The following KCNIP4 variants were observed in gnomAD, a reference collection of about 807,000 sequenced individuals.
KCNIP4 encodes the protein Kv channel-interacting protein 4.
Under a neutral mutation model 34.0 loss-of-function variants are expected in KCNIP4, and 12 were observed. The ratio of observed to expected loss-of-function variants is 0.35; its 90% confidence interval spans 0.23 to 0.57. The LOEUF is 0.57. Among genes scored for constraint, KCNIP4 ranks in the 20% least tolerant of loss-of-function variants. The pLI, the probability that KCNIP4 is intolerant of heterozygous loss-of-function variation, is 0.83. For synonymous variants in KCNIP4, 124 were observed against 102.2 expected (o/e 1.21, Z -1.29); for missense variants, 238 against 311.7 (o/e 0.76, Z 1.78).
chr4:21,665,314 CT>C (rs1425265391), intron 1 of KCNIP4, among the ~76,000 whole-genome samples: 1 of 152,082 alleles, frequency 6.6e-6, no homozygotes, highest in Non-Finnish European at 1.5e-5. Context: ...ACCTTTCTTT[CT>C]CTTTAACATT....
At chr4:21,743,225 A>T (rs1161292242) in intron 1 of KCNIP4, among the ~76,000 whole-genome samples, 1 of 152,146 alleles carries the variant, frequency 6.6e-6, no homozygotes. Context: ...GATAAAATCA[A>T]GGTGTTGGCA....
At chr4:21,602,802 T>A (rs1348844792) in intron 1 of KCNIP4, among the ~76,000 whole-genome samples, 4 of 152,102 alleles carry the variant, frequency 2.6e-5, no homozygotes, top group Non-Finnish European at 5.9e-5. Flanking sequence ...ATGAAGCAAT[T>A]CAAATATAAT....
intron 1 of KCNIP4, among the ~76,000 whole-genome samples, chr4:21,763,750 T>G (rs1254090425): frequency 6.6e-6 from 1 of 152,198 alleles, no homozygotes; most frequent in East Asian, 1.9e-4. Flanking sequence ...CTGTATATGC[T>G]AAATTTTTCA....
chr4:21,701,713 T>A (rs1444411984), intron 1 of KCNIP4, among the ~76,000 whole-genome samples: 1 of 152,100 alleles, frequency 6.6e-6, no homozygotes. Flanking sequence ...TGTTGTTGTT[T>A]TGTTTTTTTG....
chr4:20,740,936 A>G (rs530963309), intron 5 of KCNIP4, among the ~76,000 whole-genome samples: 3 of 152,288 alleles, frequency 2.0e-5, no homozygotes, highest in Non-Finnish European at 4.4e-5. Flanking sequence ...TCTCTGATAA[A>G]ACAGACATTA....
At position 20,917,432 on chromosome 4, in the gene KCNIP4, C is replaced by T. The variant is rs117514201; in HGVS notation, c.62-34723G>A. ...TGTTTTATGAAATGTCTGTCAAGCACCTCCATGCTAAACTGCTTCACCCTA... is the reference window on the plus strand; with the variant it reads ...TGTTTTATGAAATGTCTGTCAAGCATCTCCATGCTAAACTGCTTCACCCTA... On this transcript the variant is annotated intron_variant, in intron 1 of 8. Transcript: ENST00000382152. Among the ~76,000 whole-genome samples, 1,249 of 152,114 alleles carry T rather than the reference C, an allele frequency of 8.2e-3. 60 individuals carry two copies. In the East Asian group the frequency reaches 0.13, roughly 16 times the overall value.
chr4:21,611,376 T>A (rs763916058), intron 1 of KCNIP4, among the ~76,000 whole-genome samples: 4 of 152,102 alleles, frequency 2.6e-5, no homozygotes, highest in African/African-American at 9.7e-5. Flanking sequence ...TCAGATCTTA[T>A]GAGAACTCAC....
At chr4:21,659,911 A>G (rs932297830) in intron 1 of KCNIP4, among the ~76,000 whole-genome samples, 3 of 152,196 alleles carry the variant, frequency 2.0e-5, no homozygotes, top group Non-Finnish European at 4.4e-5. Flanking sequence ...AGCTAAAAGC[A>G]CCAACAAGAG....
At chr4:20,765,355 ATTTGTACCC>A (rs1209357182) in intron 3 of KCNIP4, among the ~76,000 whole-genome samples, 1 of 152,118 alleles carries the variant, frequency 6.6e-6, no homozygotes, top group African/African-American at 2.4e-5. Context: ...TACACGGTGT[ATTTGTACCC>A]AGAGGCACCC....
chr4:20,941,981 A>G (rs1400351883), intron 1 of KCNIP4, among the ~76,000 whole-genome samples: 2 of 152,238 alleles, frequency 1.3e-5, no homozygotes, highest in Non-Finnish European at 2.9e-5. Context: ...CACTGAGGAA[A>G]TAACAGTGAA....
chr4:20,784,222 T>C lies in KCNIP4; in HGVS notation c.289-25332A>G, dbSNP rs560091040. Among the ~76,000 whole-genome samples the C allele has an allele frequency of 6.6e-5, 10 of 152,340 alleles. No homozygotes were observed. The East Asian group carries it at 1.7e-3, about 26-fold the overall frequency. On this transcript the variant is annotated intron_variant, in intron 3 of 8. Transcript: ENST00000382152. ...GATAATTAATCCCAGAACATTAGTT[T>C]GCTTGAATTGAAAAGGCACATCACG...
chr4:21,628,395 G>C (rs1745479219), intron 1 of KCNIP4, among the ~76,000 whole-genome samples: 1 of 152,084 alleles, frequency 6.6e-6, no homozygotes, highest in South Asian at 2.1e-4. Flanking sequence ...CAGAAGCAAG[G>C]CCGGCTGTTA....
chr4:21,206,882 C>T (rs137885238), intron 1 of KCNIP4, among the ~76,000 whole-genome samples: 2 of 152,290 alleles, frequency 1.3e-5, no homozygotes, highest in East Asian at 1.9e-4. Flanking sequence ...ATTTGGAAAT[C>T]CATGCTCTTC....
At chr4:21,189,294 C>T (rs1174600519) in intron 1 of KCNIP4, among the ~76,000 whole-genome samples, 1 of 152,188 alleles carries the variant, frequency 6.6e-6, no homozygotes, top group Non-Finnish European at 1.5e-5. Context: ...AGTTTCCCAT[C>T]TGCTTCACAG....
At chr4:21,078,489 T>C (rs1252140459) in intron 1 of KCNIP4, among the ~76,000 whole-genome samples, 2 of 151,994 alleles carry the variant, frequency 1.3e-5, no homozygotes, top group African/African-American at 4.8e-5. Context: ...AGATCATCTC[T>C]CTTGTGCCTC....
intron 1 of KCNIP4, among the ~76,000 whole-genome samples, chr4:21,792,778 C>A (rs1720382362): frequency 6.6e-6 from 1 of 152,204 alleles, no homozygotes; most frequent in African/African-American, 2.4e-5. Flanking sequence ...GGAGGAGAAT[C>A]TCTGATTGTG....
intron 1 of KCNIP4, among the ~76,000 whole-genome samples, chr4:21,082,639 G>GA (rs968137398): frequency 3.9e-4 from 57 of 147,962 alleles, no homozygotes; most frequent in African/African-American, 8.7e-4. Context: ...GTCTTACAGG[G>GA]AAAAAAAAAA....
At chr4:20,864,071 C>CGTAT (rs199574283) in intron 2 of KCNIP4, among the ~76,000 whole-genome samples, 4 of 147,156 alleles carry the variant, frequency 2.7e-5, no homozygotes, top group Admixed American at 2.0e-4. Context: ...TGTATGTATA[C>CGTAT]GTATGTATGT....
rs12499754 is a variant in KCNIP4 at position 20,987,260 on chromosome 4, A to T, written c.62-104551T>A. 2.4e-3 allele frequency among the ~76,000 whole-genome samples: 364 copies of T among 152,334 alleles called. 2 individuals carry two copies. Among genetic ancestry groups the T allele is most frequent in the Admixed American group, 3.5e-3 (53 of 15,292 alleles). On this transcript the variant is annotated intron_variant, in intron 1 of 8. Coordinates refer to ENST00000382152, the MANE Select transcript of KCNIP4 (RefSeq NM_025221.6). ...TTTAAAAATTTAAAAAAGTAACTCCAGATCACGGCTCAACCATTTTACTGC... is the reference window on the plus strand; with the variant it reads ...TTTAAAAATTTAAAAAAGTAACTCCTGATCACGGCTCAACCATTTTACTGC...
Sources: gnomAD v4.1 joint callset for allele counts (sites outside exome capture counted in the v4.1 genomes callset) on GRCh38, gnomAD v4.1.1 for gene constraint, MANE v1.5 for transcripts, NCBI Gene and HGNC (gene_info 2026-07-23, HGNC 2026-07-21) for gene names.